The following SLIT2 variants were observed in gnomAD, a reference collection of about 807,000 sequenced individuals.
SLIT2 encodes the protein slit guidance ligand 2.
A neutral mutation model predicts 185.7 loss-of-function variants in SLIT2; 41 were observed. The observed-to-expected ratio is 0.22, with a 90% confidence interval of 0.17 to 0.29. SLIT2 has a LOEUF of 0.29. Among genes scored for constraint, SLIT2 ranks in the 10% least tolerant of loss-of-function variants. SLIT2 has a pLI of 1.00. For missense variants in SLIT2, 1,571 were observed against 1,909.0 expected (o/e 0.82, Z 3.30); for synonymous variants, 693 against 680.2 (o/e 1.02, Z -0.29).
At chr4:20,590,140 C>T (rs1410797607) in intron 30 of SLIT2, among the ~76,000 whole-genome samples, 1 of 152,090 alleles carries the variant, frequency 6.6e-6, no homozygotes, top group Non-Finnish European at 1.5e-5. Flanking sequence ...CTCCTGACAT[C>T]ATGATCCGCC....
At chr4:20,301,873 G>T (rs1307818992) in intron 4 of SLIT2, among the ~76,000 whole-genome samples, 1 of 152,022 alleles carries the variant, frequency 6.6e-6, no homozygotes, top group Non-Finnish European at 1.5e-5. Context: ...GACAGTGATC[G>T]GGCTAAATGT....
chr4:20,608,834 A>T (rs1201374668), intron 33 of SLIT2, among the ~76,000 whole-genome samples: 2 of 152,196 alleles, frequency 1.3e-5, no homozygotes, highest in Non-Finnish European at 2.9e-5. Context: ...GTCATCTTGT[A>T]TACAGAGTAT....
Position 20,610,187 on chromosome 4 carries a change from C to T in SLIT2, c.3847+20C>T. On this transcript the variant is annotated intron_variant, in intron 34 of 36. Coordinates refer to ENST00000504154, the MANE Select transcript of SLIT2 (RefSeq NM_004787.4). ...TAGGAGGTAAGCTGTCTTCCAAATT[C>T]AGGTGGTCCTGAAACCCTGTGATTC... 1 of 1,604,506 alleles carries T rather than the reference C, an allele frequency of 6.2e-7. No individual in the cohort carries two copies. The highest frequency in any genetic ancestry group is 8.5e-7 in the Non-Finnish European group (1 of 1,175,760).
At chr4:20,477,501 G>A (rs1460185877) in intron 5 of SLIT2, among the ~76,000 whole-genome samples, 1 of 152,052 alleles carries the variant, frequency 6.6e-6, no homozygotes, top group Non-Finnish European at 1.5e-5. Flanking sequence ...GCCTAGCCGA[G>A]GTCATGAATG....
chr4:20,360,545 T>C (rs1722657809), intron 4 of SLIT2, among the ~76,000 whole-genome samples: 1 of 152,136 alleles, frequency 6.6e-6, no homozygotes, highest in African/African-American at 2.4e-5. Flanking sequence ...TTTTATACTT[T>C]ACAGGAAGCA....
At chr4:20,497,771 C>T (rs1446052730) in intron 9 of SLIT2, among the ~76,000 whole-genome samples, 3 of 152,142 alleles carry the variant, frequency 2.0e-5, no homozygotes, top group Non-Finnish European at 4.4e-5. Context: ...TGCCCCAATA[C>T]TTAGCATACC....
intron 4 of SLIT2, among the ~76,000 whole-genome samples, chr4:20,381,376 G>A (rs963969757): frequency 6.6e-6 from 1 of 152,070 alleles, no homozygotes; most frequent in African/African-American, 2.4e-5. Context: ...CAGATTTCTT[G>A]TCAGAAACTA....
intron 4 of SLIT2, among the ~76,000 whole-genome samples, chr4:20,455,467 A>G (rs1182986791): frequency 6.6e-6 from 1 of 152,180 alleles, no homozygotes; most frequent in African/African-American, 2.4e-5. Context: ...CAAAGGAACC[A>G]AAGAGAATAG....
intron 4 of SLIT2, among the ~76,000 whole-genome samples, chr4:20,285,926 A>C (rs971376974): frequency 2.0e-4 from 30 of 152,218 alleles, no homozygotes; most frequent in African/African-American, 7.2e-4. Context: ...CTGAGGATGG[A>C]GTCAGTTGTG....
intron 4 of SLIT2, among the ~76,000 whole-genome samples, chr4:20,399,370 G>T (rs1235214456): frequency 6.6e-6 from 1 of 151,608 alleles, no homozygotes; most frequent in East Asian, 1.9e-4. Flanking sequence ...TTTCAATCCA[G>T]GCTTTGTCAT....
intron 4 of SLIT2, among the ~76,000 whole-genome samples, chr4:20,309,190 A>G (rs1239909485): frequency 2.6e-5 from 4 of 152,142 alleles, no homozygotes; most frequent in African/African-American, 9.7e-5. Context: ...GATATTCTTA[A>G]ATTAAAAGAG....
At chr4:20,502,998 A>T (rs114975118) in intron 9 of SLIT2, among the ~76,000 whole-genome samples, 3,719 of 152,234 alleles carry the variant, frequency 0.024, 74 homozygotes, top group Non-Finnish European at 0.039. Flanking sequence ...TAAAACTTCT[A>T]TGGGAAAAAA....
intron 4 of SLIT2, among the ~76,000 whole-genome samples, chr4:20,337,779 G>A (rs1720628814): frequency 6.6e-6 from 1 of 152,114 alleles, no homozygotes; most frequent in Admixed American, 6.5e-5. Flanking sequence ...TCAACATGTA[G>A]CAGATGGCTT....
At position 20,617,568 on chromosome 4, in the gene SLIT2, G is replaced by A; in HGVS notation, c.4266G>A (p.Lys1422=). 6.2e-7 allele frequency: 1 copy of A among 1,613,924 alleles called. No individual in the cohort carries two copies. The highest frequency in any genetic ancestry group is 8.5e-7 in the Non-Finnish European group (1 of 1,179,970). Residue 1422 remains lysine, a synonymous_variant, in exon 36 of 37, where the codon AAG becomes AAA. Transcript: ENST00000504154. ...LFNPCQAIKC[K]HGKCRLSGLG... ...ACCCATGCCAGGCGATCAAGTGCAA[G>A]CATGGGAAGTGCAGGCTTTCAGGTC...
chr4:20,566,462 A>G (rs146365819), intron 26 of SLIT2, among the ~76,000 whole-genome samples: 35 of 152,220 alleles, frequency 2.3e-4, no homozygotes, highest in East Asian at 1.9e-4. Context: ...CATTTGTCCA[A>G]TAAGTATTTG....
intron 4 of SLIT2, among the ~76,000 whole-genome samples, chr4:20,422,576 G>T (rs1427954998): frequency 1.3e-5 from 2 of 152,088 alleles, no homozygotes; most frequent in Non-Finnish European, 2.9e-5. Flanking sequence ...GGTAAATAAC[G>T]AAATAATTAA....
intron 35 of SLIT2, 111 bp from the exon 36 acceptor site, chr4:20,617,328 G>A: frequency 7.4e-7 from 1 of 1,348,078 alleles, no homozygotes; most frequent in Non-Finnish European, 1.0e-6. Context: ...TTAGGCATTA[G>A]CACTCTGTCC....
intron 4 of SLIT2, among the ~76,000 whole-genome samples, chr4:20,413,643 A>G (rs1230521290): frequency 6.6e-6 from 1 of 151,916 alleles, no homozygotes; most frequent in Non-Finnish European, 1.5e-5. Context: ...CATGTTAATG[A>G]TTTTCATGTC....
chr4:20,496,365 TA>T (rs1238840988), intron 9 of SLIT2, among the ~76,000 whole-genome samples: 2 of 152,222 alleles, frequency 1.3e-5, no homozygotes, highest in Non-Finnish European at 2.9e-5. Flanking sequence ...TGACATTTAT[TA>T]AATACTTGCA....
Sources: gnomAD v4.1 joint callset for allele counts (sites outside exome capture counted in the v4.1 genomes callset) on GRCh38, gnomAD v4.1.1 for gene constraint, MANE v1.5 for transcripts, NCBI Gene and HGNC (gene_info 2026-07-23, HGNC 2026-07-21) for gene names.